ZMYND19: variants seen among roughly 807,000 people sequenced by gnomAD.
The protein encoded by ZMYND19 is zinc finger MYND domain-containing protein 19.
In ZMYND19, 17 loss-of-function variants were observed where a neutral mutation model predicts 32.0. That is an observed-to-expected ratio of 0.53 (90% confidence interval 0.36 to 0.80). The LOEUF (loss-of-function observed/expected upper bound fraction) is 0.80. ZMYND19 is among the 30% of genes least tolerant of loss of function. The probability of loss-of-function intolerance (pLI) is 0.00; values close to 1 mark genes in which losing one functional copy is unlikely to be tolerated. For missense variants in ZMYND19, 250 were observed against 293.6 expected (o/e 0.85, Z 1.09); for synonymous variants, 124 against 113.6 (o/e 1.09, Z -0.58).
Position 137,582,719 on chromosome 9 carries a change from A to G in ZMYND19, c.541-33T>C, listed in dbSNP as rs781619387. The stretch of plus-strand genomic sequence containing the variant: ...ACAGAACACCTGTGGCTTCACCATC[A>G]TGCCTGGGACGCAGTGTGGGGCAAA... On this transcript the variant is annotated intron_variant, in intron 5 of 5. Coordinates refer to ENST00000298585, the MANE Select transcript of ZMYND19 (RefSeq NM_138462.3). The G allele has an allele frequency of 6.8e-6, 11 of 1,606,456 alleles. 1 individual carries two copies. The South Asian group carries it at 8.8e-5, about 13-fold the overall frequency.
At chr9:137,588,789 G>T in intron 1 of ZMYND19, 71 bp from the exon 2 acceptor site, 1 of 1,562,916 alleles carries the variant, frequency 6.4e-7, no homozygotes, top group South Asian at 1.1e-5. Flanking sequence ...CTTATAACCA[G>T]AACAGGCAGG....
At chr9:137,583,718 A>G (rs1330811127) in intron 4 of ZMYND19, among the ~76,000 whole-genome samples, 1 of 151,888 alleles carries the variant, frequency 6.6e-6, no homozygotes, top group African/African-American at 2.4e-5. Context: ...CACCCCACCA[A>G]CCCCGTTCTC....
Position 137,583,269 on chromosome 9 carries a change from G to C in ZMYND19, c.360-106C>G. 6.2e-6 allele frequency: 8 copies of C among 1,288,992 alleles called. 1 individual carries two copies. The South Asian group carries it at 9.6e-5, about 16-fold the overall frequency. The allele number at this position is 1,288,992 out of a possible 1,614,324, so 79.8% of individuals were successfully genotyped here. A position where few individuals can be genotyped will look rare whatever the true frequency, so the allele number is the denominator to read the frequency against. On this transcript the variant is annotated intron_variant, in intron 4 of 5. Transcript: ENST00000298585. ...AGTGCCATCCTGCCCAGGACACCCAGCCCGAGTTTGAGTCTCCTTTGGCCC... is the reference window on the plus strand; with the variant it reads ...AGTGCCATCCTGCCCAGGACACCCACCCCGAGTTTGAGTCTCCTTTGGCCC...
intron 1 of ZMYND19, chr9:137,588,966 A>G: frequency 2.0e-6 from 1 of 505,582 alleles, no homozygotes. Flanking sequence ...GCGCCAGAGG[A>G]GCTGGTATCA....
At chr9:137,582,805 G>T (rs1588971956) in intron 5 of ZMYND19, 119 bp from the exon 6 acceptor site, 4 of 1,517,006 alleles carry the variant, frequency 2.6e-6, no homozygotes, top group East Asian at 2.3e-5. Flanking sequence ...AGGCTGGAGG[G>T]CCTGGGCCCT....
At chr9:137,589,395 CTGT>C in intron 1 of ZMYND19, 1 of 985,450 alleles carries the variant, frequency 1.0e-6, no homozygotes, top group Non-Finnish European at 1.2e-6. Context: ...GGATCTGAAC[CTGT>C]TTTACCTGAC....
chr9:137,588,425 A>G (rs776920561), intron 2 of ZMYND19, among the ~76,000 whole-genome samples: 7 of 151,530 alleles, frequency 4.6e-5, no homozygotes, highest in Admixed American at 1.3e-4. Context: ...AAAGTGAGGA[A>G]GACCACTGTC....
At chr9:137,586,825 A>G in intron 4 of ZMYND19, 142 bp downstream of exon 4, 2 of 1,171,810 alleles carry the variant, frequency 1.7e-6, no homozygotes, top group East Asian at 2.5e-5. Flanking sequence ...CGCTTTGGGG[A>G]AAAACAATGA....
chr9:137,582,678 C>T lies in ZMYND19; in HGVS notation c.549G>A (p.Glu183=). The change falls in exon 6 of 6, where the codon GAG becomes GAA. Residue 183 remains glutamate, a synonymous_variant. Transcript: ENST00000298585. ...PCTVIEKQLR[E]FNICGRCQVA... ...CCTGGCAGCGCCCACAGATGTTGAA[C>T]TCCCGGAGCTGAAATACAGAACACC... 1 of 1,612,766 alleles carries T rather than the reference C, an allele frequency of 6.2e-7. No individual in the cohort carries two copies. The highest frequency in any genetic ancestry group is 1.1e-5 in the South Asian group (1 of 91,066).
chr9:137,587,630 G>A (rs1446418222), intron 3 of ZMYND19, 87 bp downstream of exon 3: 32 of 1,155,538 alleles, frequency 2.8e-5, no homozygotes, highest in South Asian at 1.7e-4. Flanking sequence ...GGGCTTCAGC[G>A]GGGCAGGGGG....
Position 137,590,114 on chromosome 9 carries a change from G to C in ZMYND19, c.51+99C>G, listed in dbSNP as rs1420674399. 1 of 982,038 alleles carries C rather than the reference G, an allele frequency of 1.0e-6. No individual in the cohort carries two copies. The highest frequency in any genetic ancestry group is 1.8e-5 in the African/African-American group (1 of 56,676). The allele number at this position is 982,038 out of a possible 1,614,324, so 60.8% of individuals were successfully genotyped here. On this transcript the variant is annotated intron_variant, in intron 1 of 5. Transcript: ENST00000298585. The surrounding 1 kb of genome is among the most constrained non-coding windows in gnomAD (Gnocchi z 4.2). ...CCCGCTGGGGCCCATCCCGGGCTCC[G>C]CGCCCCCGCCCCGGCCGCCGCCCGC...
chr9:137,582,265 C>T lies in ZMYND19; in HGVS notation c.*278G>A. 1 of 340,674 alleles carries T rather than the reference C, an allele frequency of 2.9e-6. No homozygotes were observed. Among genetic ancestry groups the T allele is most frequent in the Non-Finnish European group, 5.3e-6 (1 of 187,360 alleles). The allele number at this position is 340,674 out of a possible 1,614,324, so 21.1% of individuals were successfully genotyped here. A position where few individuals can be genotyped will look rare whatever the true frequency, so the allele number is the denominator to read the frequency against. On this transcript the variant is annotated 3_prime_UTR_variant, in exon 6 of 6. Transcript: ENST00000298585. ...TTTGTAATTTCTACCCTTCCCATTGCCTCCCCCCCAAAAAAAACTGTACAT... is the reference window on the plus strand; with the variant it reads ...TTTGTAATTTCTACCCTTCCCATTGTCTCCCCCCCAAAAAAAACTGTACAT...
rs1249731075 is a variant in ZMYND19 at position 137,582,130 on chromosome 9, C to G, written c.*413G>C. On this transcript the variant is annotated 3_prime_UTR_variant, in exon 6 of 6. Transcript: ENST00000298585. ...TTGTGGACACAACTCCCGTGCAGGCCGCGCTCCACGGGGCTCCCGGCGGCC... is the reference window on the plus strand; with the variant it reads ...TTGTGGACACAACTCCCGTGCAGGCGGCGCTCCACGGGGCTCCCGGCGGCC... 1 of 164,298 alleles carries G rather than the reference C, an allele frequency of 6.1e-6. No homozygotes were observed. Among genetic ancestry groups the G allele is most frequent in the Non-Finnish European group, 1.3e-5 (1 of 75,748 alleles). 10.2% of individuals were successfully genotyped at this position (164,298 alleles called of 1,614,324 possible).
intron 1 of ZMYND19, chr9:137,589,687 C>T (rs1842248240): frequency 1.0e-6 from 1 of 985,352 alleles, no homozygotes; most frequent in South Asian, 4.7e-5. Context: ...CTCAGCCTAA[C>T]GTGGCCAACC....
intron 3 of ZMYND19, chr9:137,587,412 C>G: frequency 1.7e-6 from 1 of 590,696 alleles, no homozygotes; most frequent in South Asian, 2.1e-5. Context: ...AGCTCCCCAT[C>G]TGAGTGGTCC....
chr9:137,589,793 G>A, intron 1 of ZMYND19: 1 of 985,488 alleles, frequency 1.0e-6, no homozygotes, highest in Non-Finnish European at 1.2e-6. Context: ...TGTGGAAGTG[G>A]CGCTGCCTCG....
At chr9:137,586,093 T>A (rs1251857139) in intron 4 of ZMYND19, among the ~76,000 whole-genome samples, 5 of 152,226 alleles carry the variant, frequency 3.3e-5, no homozygotes, top group Non-Finnish European at 7.3e-5. Flanking sequence ...GGAACCGCCC[T>A]CCCAGGTGGG....
At chr9:137,585,061 G>A (rs899568412) in intron 4 of ZMYND19, among the ~76,000 whole-genome samples, 2 of 152,192 alleles carry the variant, frequency 1.3e-5, no homozygotes, top group African/African-American at 4.8e-5. Flanking sequence ...TATGAGGAAG[G>A]TCAAAACTCT....
Position 137,590,116 on chromosome 9 carries a change from G to A in ZMYND19, c.51+97C>T. The A allele has an allele frequency of 2.0e-6, 2 of 981,352 alleles. No homozygotes were observed. Among genetic ancestry groups the A allele is most frequent in the African/African-American group, 1.8e-5 (1 of 56,498 alleles). The allele number at this position is 981,352 out of a possible 1,614,324, so 60.8% of individuals were successfully genotyped here. ...CGCTGGGGCCCATCCCGGGCTCCGCGCCCCCGCCCCGGCCGCCGCCCGCAC... is the reference window on the plus strand; with the variant it reads ...CGCTGGGGCCCATCCCGGGCTCCGCACCCCCGCCCCGGCCGCCGCCCGCAC... On this transcript the variant is annotated intron_variant, in intron 1 of 5. Transcript: ENST00000298585. This position sits in a 1 kb window ranked among gnomAD's most constrained non-coding sequence, Gnocchi z 4.2.
Sources: allele counts gnomAD v4.1 joint callset (sites outside exome capture counted in the v4.1 genomes callset), GRCh38; gene constraint gnomAD v4.1.1; non-coding constraint Gnocchi (gnomAD v3.1); transcripts MANE v1.5; gene names NCBI Gene and HGNC (gene_info 2026-07-23, HGNC 2026-07-21).